SDK1: variants seen among roughly 807,000 people sequenced by gnomAD.
The protein encoded by SDK1 is sidekick cell adhesion molecule 1.
Under a neutral mutation model 245.5 loss-of-function variants are expected in SDK1, and 157 were observed. That is an observed-to-expected ratio of 0.64 (90% CI 0.56 to 0.73). The LOEUF is 0.73. SDK1 is among the 30% of genes least tolerant of loss of function. The pLI, the probability that SDK1 is intolerant of heterozygous loss-of-function variation, is 0.00. For synonymous variants in SDK1, 1,647 were observed against 1,278.5 expected (o/e 1.29, Z -6.15); for missense variants, 3,583 against 3,002.3 (o/e 1.19, Z -4.52).
At chr7:3,541,744 G>A (rs980869921) in intron 1 of SDK1, among the ~76,000 whole-genome samples, 44 of 152,148 alleles carry the variant, frequency 2.9e-4, no homozygotes, top group African/African-American at 1.0e-3. Context: ...GGTTGAATTA[G>A]GTGGAATTCC....
chr7:4,268,605 C>G lies in SDK1; in HGVS notation c.*3221C>G. ...AGGCCGTGTTTGTATCTAACTGTGA[C>G]TGGGCTGAAGCATGATGTTTGCCTA... On this transcript the variant is annotated 3_prime_UTR_variant, in exon 45 of 45. Coordinates refer to ENST00000404826, the MANE Select transcript of SDK1 (RefSeq NM_152744.4). 1 of 1,365,316 alleles carries G rather than the reference C, an allele frequency of 7.3e-7. No individual in the cohort carries two copies. The highest frequency in any genetic ancestry group is 1.1e-5 in the South Asian group (1 of 87,778). The allele number at this position is 1,365,316 out of a possible 1,614,324, so 84.6% of individuals were successfully genotyped here.
chr7:3,572,990 G>T (rs577007753), intron 1 of SDK1, among the ~76,000 whole-genome samples: 100 of 152,136 alleles, frequency 6.6e-4, no homozygotes, highest in African/African-American at 2.4e-3. Context: ...GAGCATCTGG[G>T]GTGACCACCC....
intron 33 of SDK1, among the ~76,000 whole-genome samples, chr7:4,175,540 C>T (rs1338999087): frequency 2.6e-5 from 4 of 152,212 alleles, no homozygotes; most frequent in East Asian, 1.9e-4. Context: ...AAGCACACCC[C>T]GCCTGTCCGG....
rs146059012 is a variant in SDK1, at chr7:3,872,363, G to T, written c.847+50780G>T. Among the ~76,000 whole-genome samples the T allele has an allele frequency of 6.6e-4, 100 of 152,162 alleles. No homozygotes were observed. The East Asian group carries it at 0.014, about 22-fold the overall frequency. The stretch of plus-strand genomic sequence containing the variant: ...TATTTTCTGTAAGATATCGTATAGA[G>T]TTGTTATGTTCGGAAGATTTAACTA... On this transcript the variant is annotated intron_variant, in intron 5 of 44. Coordinates refer to ENST00000404826, the MANE Select transcript of SDK1 (RefSeq NM_152744.4).
intron 4 of SDK1, among the ~76,000 whole-genome samples, chr7:3,660,203 C>G (rs1783308744): frequency 6.6e-6 from 1 of 151,838 alleles, no homozygotes. Flanking sequence ...CTGAGGAGCT[C>G]TACCATGCAG....
intron 1 of SDK1, among the ~76,000 whole-genome samples, chr7:3,473,150 T>G (rs1781236695): frequency 6.6e-6 from 1 of 152,190 alleles, no homozygotes; most frequent in African/African-American, 2.4e-5. Context: ...GCATTGACTC[T>G]GATTGAAGAT....
intron 35 of SDK1, among the ~76,000 whole-genome samples, chr7:4,193,389 T>C (rs1390022188): frequency 1.4e-5 from 2 of 139,406 alleles, no homozygotes; most frequent in Non-Finnish European, 3.0e-5. Flanking sequence ...TATATATATA[T>C]ATATATATAA....
At chr7:4,147,394 A>G (rs920241869) in intron 29 of SDK1, among the ~76,000 whole-genome samples, 1 of 151,968 alleles carries the variant, frequency 6.6e-6, no homozygotes, top group African/African-American at 2.4e-5. Flanking sequence ...TGGCCGCCCA[A>G]AGTGCTGGGG....
intron 31 of SDK1, among the ~76,000 whole-genome samples, chr7:4,160,165 C>T (rs935978932): frequency 6.6e-6 from 1 of 152,164 alleles, no homozygotes. Context: ...AACTAAATTA[C>T]AAAACAAAAA....
At chr7:3,781,964 C>T (rs1236679085) in intron 4 of SDK1, among the ~76,000 whole-genome samples, 16 of 152,142 alleles carry the variant, frequency 1.1e-4, no homozygotes, top group Non-Finnish European at 1.0e-4. Context: ...GAATTAAGGA[C>T]AGCAGAGAGA....
chr7:3,792,169 C>T (rs1205638526), intron 4 of SDK1, among the ~76,000 whole-genome samples: 1 of 152,044 alleles, frequency 6.6e-6, no homozygotes, highest in Admixed American at 6.6e-5. Context: ...CTTGCATTAA[C>T]CTTAAACTGG....
chr7:3,827,502 ACT>A (rs1376529082), intron 5 of SDK1, among the ~76,000 whole-genome samples: 1 of 152,098 alleles, frequency 6.6e-6, no homozygotes, highest in Non-Finnish European at 1.5e-5. Flanking sequence ...AAAGTGAAAG[ACT>A]CTGATAACTG....
At chr7:3,756,797 T>C (rs1779945906) in intron 4 of SDK1, among the ~76,000 whole-genome samples, 2 of 152,144 alleles carry the variant, frequency 1.3e-5, no homozygotes, top group South Asian at 4.1e-4. Context: ...TGTTGTTTCC[T>C]CATGCTTAGA....
intron 4 of SDK1, among the ~76,000 whole-genome samples, chr7:3,727,760 G>C (rs1779054387): frequency 6.6e-6 from 1 of 152,038 alleles, no homozygotes; most frequent in African/African-American, 2.4e-5. Flanking sequence ...CAAAGTGCTG[G>C]GATTGCAGAC....
At chr7:4,017,703 A>T (rs1053292449) in intron 17 of SDK1, among the ~76,000 whole-genome samples, 6 of 152,186 alleles carry the variant, frequency 3.9e-5, no homozygotes, top group African/African-American at 1.4e-4. Context: ...GTTCTGTGTG[A>T]TACTGTGAGT....
At position 3,916,764 on chromosome 7, in the gene SDK1, A is replaced by T. The variant is rs1779394742; in HGVS notation, c.848-34159A>T. ...ATTCTTCCCAAATTCTATATACTTT[A>T]CATTACCCTTCATTTTACCTTCCAG... On this transcript the variant is annotated intron_variant, in intron 5 of 44. Coordinates refer to ENST00000404826, the MANE Select transcript of SDK1 (RefSeq NM_152744.4). Among the ~76,000 whole-genome samples, 4 of 152,258 alleles carry T rather than the reference A, an allele frequency of 2.6e-5. No individual in the cohort carries two copies. In the South Asian group the frequency reaches 8.3e-4, roughly 31 times the overall value.
intron 1 of SDK1, among the ~76,000 whole-genome samples, chr7:3,400,050 G>A (rs1454032040): frequency 1.3e-5 from 2 of 152,114 alleles, no homozygotes; most frequent in Admixed American, 6.5e-5. Flanking sequence ...TGAGAGCTGT[G>A]AAGCAGGTCA....
intron 13 of SDK1, among the ~76,000 whole-genome samples, chr7:3,977,726 C>G (rs548477302): frequency 5.7e-4 from 87 of 152,362 alleles, no homozygotes; most frequent in African/African-American, 2.0e-3. Flanking sequence ...CAGAGGACGA[C>G]CATATCTTCA....
At chr7:3,768,295 G>C (rs753150791) in intron 4 of SDK1, among the ~76,000 whole-genome samples, 1 of 152,160 alleles carries the variant, frequency 6.6e-6, no homozygotes, top group African/African-American at 2.4e-5. Flanking sequence ...CATAGACATG[G>C]CCCGCATAAA....
Sources: allele counts gnomAD v4.1 joint callset (sites outside exome capture counted in the v4.1 genomes callset), GRCh38; gene constraint gnomAD v4.1.1; transcripts MANE v1.5; gene names NCBI Gene and HGNC (gene_info 2026-07-23, HGNC 2026-07-21).